The following RSRC1 variants were observed in gnomAD, a reference collection of about 807,000 sequenced individuals.
RSRC1 encodes the protein arginine and serine rich coiled-coil 1.
In RSRC1, 39 loss-of-function variants were observed where a neutral mutation model predicts 49.1. The ratio of observed to expected loss-of-function variants is 0.79; its 90% CI spans 0.61 to 1.04. The LOEUF is 1.04. Among genes scored for constraint, RSRC1 ranks in the 50% least tolerant of loss-of-function variants. The pLI is 0.00. For missense variants in RSRC1, 388 were observed against 402.4 expected, an observed-to-expected ratio of 0.96 and a Z score of 0.31; for synonymous variants, 143 against 130.8, an observed-to-expected ratio of 1.09 and a Z score of -0.63.
At chr3:158,261,626 C>A (rs2108036304) in intron 4 of RSRC1, among the ~76,000 whole-genome samples, 2 of 152,306 alleles carry the variant, frequency 1.3e-5, no homozygotes, top group Admixed American at 1.3e-4. Context: ...CAGCCACTCA[C>A]CATCGCTTGC....
rs556924438 is a variant in RSRC1, at chr3:158,540,124, G to A, written c.759+2926G>A. Among the ~76,000 whole-genome samples the A allele has an allele frequency of 2.6e-5, 4 of 152,180 alleles. No individual in the cohort carries two copies. The East Asian group carries it at 7.7e-4, about 29-fold the overall frequency. On this transcript the variant is annotated intron_variant, in intron 8 of 9. Transcript: ENST00000611884. Reference sequence around the variant, plus strand: ...TCTTGGATTAGCGTATTTCCCACTTGCACTTGTGCAGAATATTGGGCTTTT... The same window carrying A: ...TCTTGGATTAGCGTATTTCCCACTTACACTTGTGCAGAATATTGGGCTTTT...
chr3:158,255,346 C>G (rs6441184), intron 4 of RSRC1, among the ~76,000 whole-genome samples: 322 of 151,794 alleles, frequency 2.1e-3, no homozygotes, highest in African/African-American at 6.5e-3. Context: ...GCTTGTTTTT[C>G]TCAGGTTTGT....
chr3:158,468,820 T>A (rs187909162), intron 7 of RSRC1, among the ~76,000 whole-genome samples: 8 of 152,090 alleles, frequency 5.3e-5, no homozygotes, highest in African/African-American at 1.7e-4. Context: ...ACTGAAAAAA[T>A]TTAACACCTT....
intron 5 of RSRC1, among the ~76,000 whole-genome samples, chr3:158,339,244 A>G (rs957335213): frequency 7.0e-6 from 1 of 142,260 alleles, no homozygotes; most frequent in Non-Finnish European, 1.5e-5. Context: ...GTGAGCAGAG[A>G]TTGCGCCACT....
At position 158,125,813 on chromosome 3, in the gene RSRC1, C is replaced by T. The variant is rs1454856499; in HGVS notation, c.320+1822C>T. 5.9e-5 allele frequency among the ~76,000 whole-genome samples: 9 copies of T among 151,998 alleles called. No homozygotes were observed. The East Asian group carries it at 1.7e-3, about 29-fold the overall frequency. ...ATTGAAAGTGGATTATTGAAATACC[C>T]TACTATTACTATGTTACTAAATACT... On this transcript the variant is annotated intron_variant, in intron 3 of 9. Transcript: ENST00000611884.
chr3:158,423,703 C>T (rs1361387455), intron 6 of RSRC1, among the ~76,000 whole-genome samples: 5 of 152,164 alleles, frequency 3.3e-5, no homozygotes, highest in African/African-American at 1.2e-4. Context: ...TTCTTCCTAC[C>T]AATGAGCATG....
At chr3:158,184,399 C>T (rs991689447) in intron 3 of RSRC1, among the ~76,000 whole-genome samples, 4 of 152,192 alleles carry the variant, frequency 2.6e-5, no homozygotes, top group Non-Finnish European at 4.4e-5. Flanking sequence ...GCATATAACA[C>T]AGTGCAGTAC....
chr3:158,355,132 T>C (rs1731089510), intron 6 of RSRC1, among the ~76,000 whole-genome samples: 1 of 152,088 alleles, frequency 6.6e-6, no homozygotes, highest in South Asian at 2.1e-4. Flanking sequence ...TTTTCATTTA[T>C]AAAATTGGCT....
At chr3:158,208,232 C>T (rs1384517335) in intron 4 of RSRC1, among the ~76,000 whole-genome samples, 1 of 151,132 alleles carries the variant, frequency 6.6e-6, no homozygotes, top group African/African-American at 2.4e-5. Flanking sequence ...TTTTGTTTTC[C>T]CCCCAAATTT....
intron 4 of RSRC1, among the ~76,000 whole-genome samples, chr3:158,263,317 G>T (rs1437524496): frequency 6.6e-6 from 1 of 152,080 alleles, no homozygotes; most frequent in African/African-American, 2.4e-5. Context: ...TTAATATGGG[G>T]AACTACATTG....
chr3:158,344,710 AAT>A (rs1456577446), intron 5 of RSRC1, among the ~76,000 whole-genome samples: 2 of 152,212 alleles, frequency 1.3e-5, no homozygotes, highest in Non-Finnish European at 2.9e-5. Context: ...CACATGGATA[AAT>A]ATGTCTCTTT....
intron 3 of RSRC1, among the ~76,000 whole-genome samples, chr3:158,193,617 G>A (rs1394461355): frequency 6.6e-6 from 1 of 152,008 alleles, no homozygotes; most frequent in Non-Finnish European, 1.5e-5. Flanking sequence ...AAAAAAGGCT[G>A]CCTTCCATTT....
At chr3:158,118,463 G>GTGCA in intron 1 of RSRC1, among the ~76,000 whole-genome samples, 1 of 42,224 alleles carries the variant, frequency 2.4e-5, no homozygotes, top group Admixed American at 2.6e-4. Flanking sequence ...GTGTGTGTGT[G>GTGCA]CGCGTGCGCG....
At chr3:158,337,763 A>C (rs1284364941) in intron 5 of RSRC1, among the ~76,000 whole-genome samples, 1 of 152,146 alleles carries the variant, frequency 6.6e-6, no homozygotes, top group Non-Finnish European at 1.5e-5. Flanking sequence ...TATGCTATCG[A>C]TTCTCCTAGC....
intron 6 of RSRC1, among the ~76,000 whole-genome samples, chr3:158,399,841 A>G (rs1733810856): frequency 6.6e-6 from 1 of 152,176 alleles, no homozygotes; most frequent in African/African-American, 2.4e-5. Context: ...AGACACTTTC[A>G]GATTTTACTC....
At chr3:158,496,866 T>G (rs907663892) in intron 7 of RSRC1, 15 of 211,900 alleles carry the variant, frequency 7.1e-5, no homozygotes, top group African/African-American at 3.2e-4. Context: ...GTGTAGTAGT[T>G]AAGGACTATG....
At chr3:158,356,858 G>T (rs1176963560) in intron 6 of RSRC1, among the ~76,000 whole-genome samples, 2 of 151,928 alleles carry the variant, frequency 1.3e-5, no homozygotes, top group African/African-American at 4.8e-5. Context: ...AAAATATTTA[G>T]TATGATTTTG....
At chr3:158,491,717 A>G (rs1289928609) in intron 7 of RSRC1, among the ~76,000 whole-genome samples, 1 of 152,206 alleles carries the variant, frequency 6.6e-6, no homozygotes, top group African/African-American at 2.4e-5. Flanking sequence ...GAAGTAATGA[A>G]AATAAAGATA....
intron 3 of RSRC1, among the ~76,000 whole-genome samples, chr3:158,190,505 CTTATT>C (rs982057002): frequency 6.6e-6 from 1 of 151,174 alleles, no homozygotes; most frequent in Admixed American, 6.6e-5. Flanking sequence ...TCTGAGATGA[CTTATT>C]TTATTTTAAT....
Sources: gnomAD v4.1 joint callset for allele counts (sites outside exome capture counted in the v4.1 genomes callset) on GRCh38, gnomAD v4.1.1 for gene constraint, MANE v1.5 for transcripts, NCBI Gene and HGNC (gene_info 2026-07-23, HGNC 2026-07-21) for gene names.